Variants in ATAD2B observed in about 807,000 individuals in gnomAD.
The protein encoded by ATAD2B is ATPase family AAA domain containing 2B.
Under a neutral mutation model 167.6 loss-of-function variants are expected in ATAD2B, and 40 were observed. The ratio of observed to expected loss-of-function variants is 0.24; its 90% confidence interval spans 0.19 to 0.31. The LOEUF (loss-of-function observed/expected upper bound fraction) is 0.31, where lower values mean the gene tolerates loss of function less well. Among genes scored for constraint, ATAD2B ranks in the 10% least tolerant of loss-of-function variants. The pLI is 1.00. For synonymous variants in ATAD2B, 579 were observed against 596.5 expected, an observed-to-expected ratio of 0.97 and a Z score of 0.43; for missense variants, 1,242 against 1,757.2, an observed-to-expected ratio of 0.71 and a Z score of 5.24.
chr2:23,852,445 T>A (rs1234869050), intron 13 of ATAD2B, among the ~76,000 whole-genome samples: 1 of 152,120 alleles, frequency 6.6e-6, no homozygotes, highest in Admixed American at 6.6e-5. Flanking sequence ...CTAATACACA[T>A]CAAAATTACC....
chr2:23,822,261 G>T (rs567740402), intron 16 of ATAD2B, among the ~76,000 whole-genome samples: 42 of 152,282 alleles, frequency 2.8e-4, no homozygotes, highest in African/African-American at 9.6e-4. Flanking sequence ...CAGGCTGGGC[G>T]CGATGACTCA....
chr2:23,850,563 A>G (rs1488487138), intron 13 of ATAD2B, among the ~76,000 whole-genome samples: 1 of 152,244 alleles, frequency 6.6e-6, no homozygotes, highest in Non-Finnish European at 1.5e-5. Context: ...AAAAAACTAC[A>G]TACTGTTTGA....
At chr2:23,797,070 A>G (rs773713949) in intron 19 of ATAD2B, among the ~76,000 whole-genome samples, 4 of 152,134 alleles carry the variant, frequency 2.6e-5, no homozygotes, top group Non-Finnish European at 5.9e-5. Context: ...AAAGCAGTAA[A>G]GTATACAAAT....
chr2:23,681,179 C>T, the ATAD2B span, among the ~76,000 whole-genome samples: 2 of 152,256 alleles, frequency 1.3e-5, no homozygotes, highest in Admixed American at 1.3e-4. The surrounding 1 kb of genome is among the most constrained non-coding windows in gnomAD (Gnocchi z 4.2). Flanking sequence ...AGCCCGCACA[C>T]ACCAGCCAAT....
the ATAD2B span, among the ~76,000 whole-genome samples, chr2:23,726,545 G>A: frequency 6.6e-6 from 1 of 152,134 alleles, no homozygotes; most frequent in African/African-American, 2.4e-5. Context: ...GCAGGAGGAA[G>A]GGGTTGGTTT....
chr2:23,768,736 G>A (rs932636445), intron 22 of ATAD2B, among the ~76,000 whole-genome samples: 8 of 151,944 alleles, frequency 5.3e-5, no homozygotes, highest in Non-Finnish European at 1.2e-4. Flanking sequence ...TTATATATAC[G>A]AGTGGAATCA....
At chr2:23,686,308 C>T in the ATAD2B span, among the ~76,000 whole-genome samples, 1 of 150,636 alleles carries the variant, frequency 6.6e-6, no homozygotes, top group Non-Finnish European at 1.5e-5. Context: ...GTCTCGGTGG[C>T]CCTCATCAGA....
chr2:23,775,119 G>A (rs1351221352), intron 22 of ATAD2B, among the ~76,000 whole-genome samples: 5 of 152,006 alleles, frequency 3.3e-5, no homozygotes. Context: ...CAGAGATGAA[G>A]GGGTACTTAC....
At chr2:23,922,417 A>C (rs1704070350) in intron 1 of ATAD2B, among the ~76,000 whole-genome samples, 1 of 152,100 alleles carries the variant, frequency 6.6e-6, no homozygotes, top group African/African-American at 2.4e-5. Context: ...ATCACATCTA[A>C]CTGCATAGCA....
At chr2:23,739,752 G>A in the ATAD2B span, among the ~76,000 whole-genome samples, 1 of 152,196 alleles carries the variant, frequency 6.6e-6, no homozygotes. Flanking sequence ...AAACATTAAT[G>A]AATCCAGGAG....
chr2:23,780,304 T>TGTGTGA (rs761510455), intron 22 of ATAD2B, among the ~76,000 whole-genome samples: 1 of 136,060 alleles, frequency 7.3e-6, no homozygotes, highest in Non-Finnish European at 1.6e-5. Context: ...TGTGTGTGTG[T>TGTGTGA]TATATAAAAT....
chr2:23,815,815 C>T (rs1686353132), intron 17 of ATAD2B, among the ~76,000 whole-genome samples: 1 of 152,188 alleles, frequency 6.6e-6, no homozygotes, highest in African/African-American at 2.4e-5. Context: ...TCACTCCACT[C>T]CTAGGGATTC....
At chr2:23,820,637 A>C (rs1482888803) in intron 16 of ATAD2B, among the ~76,000 whole-genome samples, 1 of 152,244 alleles carries the variant, frequency 6.6e-6, no homozygotes, top group African/African-American at 2.4e-5. Context: ...AAGAGAAATC[A>C]TATCCTTTCA....
intron 1 of ATAD2B, among the ~76,000 whole-genome samples, chr2:23,920,723 CTT>C (rs996540014): frequency 1.8e-4 from 27 of 152,254 alleles, no homozygotes; most frequent in South Asian, 4.1e-4. Context: ...AAAAATCTAA[CTT>C]ATATTTAAAT....
chr2:23,740,129 G>A, the ATAD2B span, among the ~76,000 whole-genome samples: 1 of 152,172 alleles, frequency 6.6e-6, no homozygotes, highest in Non-Finnish European at 1.5e-5. Context: ...GGTACAAAGA[G>A]GAGCTGGTAC....
intron 17 of ATAD2B, among the ~76,000 whole-genome samples, chr2:23,818,096 TACACACAC>T (rs70941591): frequency 0.43 from 59,346 of 139,262 alleles, 14,283 homozygotes; most frequent in East Asian, 0.77. Context: ...ACACACACAT[TACACACAC>T]ACACACACAC....
At chr2:23,919,806 T>C (rs1043961226) in intron 1 of ATAD2B, among the ~76,000 whole-genome samples, 1 of 147,898 alleles carries the variant, frequency 6.8e-6, no homozygotes, top group African/African-American at 2.5e-5. Context: ...GGTCGCACCA[T>C]TGTACTCCAG....
At chr2:23,897,153 C>A (rs1038320463) in intron 1 of ATAD2B, among the ~76,000 whole-genome samples, 8 of 152,166 alleles carry the variant, frequency 5.3e-5, no homozygotes, top group Non-Finnish European at 1.0e-4. Context: ...GCCTTTCATT[C>A]TCTAGGATGA....
At chr2:23,827,059 C>G (rs769830301) in intron 15 of ATAD2B, among the ~76,000 whole-genome samples, 1 of 151,850 alleles carries the variant, frequency 6.6e-6, no homozygotes. Context: ...TACTATTTCA[C>G]GCCCGTTTGA....
Sources: allele counts gnomAD v4.1 joint callset (sites outside exome capture counted in the v4.1 genomes callset), GRCh38; gene constraint gnomAD v4.1.1; non-coding constraint Gnocchi (gnomAD v3.1); transcripts MANE v1.5; gene names NCBI Gene and HGNC (gene_info 2026-07-23, HGNC 2026-07-21).